The following RABGAP1 variants were observed in gnomAD, a reference collection of about 807,000 sequenced individuals.
The protein encoded by RABGAP1 is rab GTPase-activating protein 1.
RABGAP1 carries 23 observed loss-of-function variants against 137.6 expected under a neutral mutation model. The observed-to-expected ratio is 0.17, with a 90% CI of 0.12 to 0.24. The LOEUF is 0.24. Ranked by LOEUF, RABGAP1 falls within the 10% of genes least tolerant of loss-of-function variation. RABGAP1 has a pLI of 1.00. For missense variants in RABGAP1, 906 were observed against 1,275.8 expected (o/e 0.71, Z 4.42); for synonymous variants, 451 against 450.7 (o/e 1.00, Z -0.01).
intron 19 of RABGAP1, among the ~76,000 whole-genome samples, chr9:123,085,914 G>A (rs927550284): frequency 1.3e-5 from 2 of 152,130 alleles, no homozygotes; most frequent in African/African-American, 4.8e-5. Flanking sequence ...AAGGTAAAAA[G>A]GAAGCCTTTG....
intron 13 of RABGAP1, chr9:123,029,604 C>A: frequency 1.3e-6 from 1 of 741,340 alleles, no homozygotes; most frequent in South Asian, 1.3e-5. Context: ...GTAGCTTTGT[C>A]AAACAAGACA....
intron 2 of RABGAP1, among the ~76,000 whole-genome samples, chr9:122,962,051 A>G (rs1289852449): frequency 1.3e-5 from 2 of 152,184 alleles, no homozygotes; most frequent in African/African-American, 4.8e-5. Context: ...AATTGTGACA[A>G]TGTATTGTTG....
At chr9:123,076,863 C>G in intron 19 of RABGAP1, 101 bp downstream of exon 19, 2 of 727,028 alleles carry the variant, frequency 2.8e-6, no homozygotes, top group Non-Finnish European at 3.6e-6. Context: ...ATATTTATAA[C>G]ATTTATAATA....
chr9:122,984,712 A>G lies in RABGAP1; in HGVS notation c.378A>G (p.Gly126=). The change falls in exon 3 of 26, where the codon GGA becomes GGG. Residue 126 remains glycine, a synonymous_variant. Transcript: ENST00000373647. The part of the protein sequence containing the change: ...KPEMSLPVKP[G]QGDSEASSPF... ...AGATGAGCCTACCAGTGAAACCTGG[A>G]CAAGGAGGTTAGGATTGCTGCATTG... 1 of 1,613,346 alleles carries G rather than the reference A, an allele frequency of 6.2e-7. No homozygotes were observed. Among genetic ancestry groups the G allele is most frequent in the Non-Finnish European group, 8.5e-7 (1 of 1,179,324 alleles).
chr9:122,998,787 T>C (rs1474492870), intron 10 of RABGAP1, 21 bp downstream of exon 10: 2 of 1,460,526 alleles, frequency 1.4e-6, no homozygotes, highest in South Asian at 2.6e-5. Context: ...TTTCTATTAA[T>C]ATAGAAGGGG....
chr9:123,029,374 T>C (rs1312583706), intron 13 of RABGAP1: 3 of 1,078,624 alleles, frequency 2.8e-6, no homozygotes, highest in African/African-American at 3.1e-5. Context: ...TGCTTGGACC[T>C]GTTCATGCAT....
At chr9:123,008,884 T>C (rs564910719) in intron 10 of RABGAP1, among the ~76,000 whole-genome samples, 1 of 152,220 alleles carries the variant, frequency 6.6e-6, no homozygotes, top group African/African-American at 2.4e-5. Flanking sequence ...TTTAGGTAAC[T>C]TTTGGGTTAT....
intron 13 of RABGAP1, among the ~76,000 whole-genome samples, chr9:123,057,389 C>T (rs1369730214): frequency 6.6e-6 from 1 of 151,140 alleles, no homozygotes; most frequent in African/African-American, 2.4e-5. Context: ...TGCGGCCGGG[C>T]AGAGGTGCTC....
At chr9:123,013,861 G>C (rs1410052217) in intron 11 of RABGAP1, among the ~76,000 whole-genome samples, 1 of 152,120 alleles carries the variant, frequency 6.6e-6, no homozygotes, top group African/African-American at 2.4e-5. Flanking sequence ...GAGGTGTAAA[G>C]ATCCAAACTT....
intron 2 of RABGAP1, among the ~76,000 whole-genome samples, chr9:122,966,100 A>G (rs570742406): frequency 6.6e-6 from 1 of 152,306 alleles, no homozygotes; most frequent in Admixed American, 6.5e-5. Context: ...AGAACATATT[A>G]CATTTGAGTT....
intron 2 of RABGAP1, among the ~76,000 whole-genome samples, chr9:122,964,400 GGTTA>G (rs1229993231): frequency 1.4e-4 from 22 of 152,068 alleles, no homozygotes; most frequent in African/African-American, 5.3e-4. Flanking sequence ...AGGAATGTAA[GGTTA>G]GTTTAACATC....
At chr9:123,089,874 G>T in intron 20 of RABGAP1, 24 bp downstream of exon 20, 1 of 1,583,102 alleles carries the variant, frequency 6.3e-7, no homozygotes, top group Non-Finnish European at 8.7e-7. Context: ...TGGCCTACGT[G>T]TGAGGAGCTC....
At chr9:122,977,415 A>T (rs1835818868) in intron 2 of RABGAP1, among the ~76,000 whole-genome samples, 1 of 152,214 alleles carries the variant, frequency 6.6e-6, no homozygotes, top group Non-Finnish European at 1.5e-5. Context: ...TTAAAAAAGG[A>T]TGCAGGAGGG....
chr9:122,947,352 G>A (rs1268081215), intron 1 of RABGAP1, among the ~76,000 whole-genome samples: 1 of 152,098 alleles, frequency 6.6e-6, no homozygotes, highest in Non-Finnish European at 1.5e-5. Flanking sequence ...TAGGGAATTA[G>A]TGTTAATGGG....
chr9:123,060,299 T>A (rs1171244309), intron 13 of RABGAP1, among the ~76,000 whole-genome samples: 1 of 152,188 alleles, frequency 6.6e-6, no homozygotes, highest in Non-Finnish European at 1.5e-5. Context: ...TTGATTTCCC[T>A]CCCACCCCCA....
chr9:122,992,503 A>G (rs1278865531), intron 6 of RABGAP1, among the ~76,000 whole-genome samples: 2 of 152,074 alleles, frequency 1.3e-5, no homozygotes, highest in African/African-American at 2.4e-5. Context: ...CTATTTGTTA[A>G]TACTGACAAA....
intron 2 of RABGAP1, among the ~76,000 whole-genome samples, chr9:122,981,827 T>A (rs747711182): frequency 5.9e-5 from 9 of 152,126 alleles, no homozygotes; most frequent in Non-Finnish European, 8.8e-5. Flanking sequence ...GGTGGGTGGA[T>A]CACTTGAGGT....
chr9:123,022,509 C>T (rs548020909), intron 13 of RABGAP1, among the ~76,000 whole-genome samples: 5 of 151,978 alleles, frequency 3.3e-5, no homozygotes, highest in Admixed American at 6.6e-5. Context: ...TGGGTTTAAG[C>T]GATTCTCCTG....
chr9:122,996,710 T>A (rs1837038205), intron 8 of RABGAP1, 105 bp downstream of exon 8: 3 of 950,004 alleles, frequency 3.2e-6, no homozygotes, highest in Non-Finnish European at 3.2e-6. Flanking sequence ...AAGAAGGTGA[T>A]CTTGTAAGCT....
Sources: gnomAD v4.1 joint callset for allele counts (sites outside exome capture counted in the v4.1 genomes callset) on GRCh38, gnomAD v4.1.1 for gene constraint, MANE v1.5 for transcripts, NCBI Gene and HGNC (gene_info 2026-07-23, HGNC 2026-07-21) for gene names.